COL12A1: variants seen among roughly 807,000 people sequenced by gnomAD.
COL12A1 encodes collagen type XII alpha 1 chain, also known as collagen alpha-1(XII) chain.
Under a neutral mutation model 349.7 loss-of-function variants are expected in COL12A1, and 114 were observed. The observed-to-expected ratio is 0.33, with a 90% CI of 0.28 to 0.38. COL12A1 has a LOEUF of 0.38. Ranked by LOEUF, COL12A1 falls within the 10% of genes least tolerant of loss-of-function variation. The probability of loss-of-function intolerance (pLI) is 1.00; values close to 1 mark genes in which losing one functional copy is unlikely to be tolerated. For synonymous variants in COL12A1, 1,369 were observed against 1,329.0 expected, an observed-to-expected ratio of 1.03 and a Z score of -0.66; for missense variants, 3,284 against 3,756.9, an observed-to-expected ratio of 0.87 and a Z score of 3.29.
chr6:75,184,180 T>C (rs760927446), intron 8 of COL12A1, 36 bp from the exon 9 acceptor site: 2 of 1,594,760 alleles, frequency 1.3e-6, no homozygotes, highest in African/African-American at 1.3e-5. Context: ...TTAATAACAG[T>C]GAGATGTAAC....
At position 75,191,779 on chromosome 6, in the gene COL12A1, A is replaced by T; in HGVS notation, c.335-19T>A. On this transcript the variant is annotated intron_variant, in intron 4 of 65. Transcript: ENST00000322507. ...GTTTGAACTAAGTTAAAACTTTATT[A>T]TTACAAAAGGAAATGAACCCAAGCA... 6.5e-7 allele frequency: 1 copy of T among 1,545,680 alleles called. No individual in the cohort carries two copies. Among genetic ancestry groups the T allele is most frequent in the Non-Finnish European group, 8.8e-7 (1 of 1,141,760 alleles).
chr6:75,150,461 A>T (rs1767424418), intron 21 of COL12A1, among the ~76,000 whole-genome samples: 1 of 152,164 alleles, frequency 6.6e-6, no homozygotes. Context: ...TCACTGGTAA[A>T]AAGAGGTTAT....
At chr6:75,192,001 G>A (rs1318826269) in intron 4 of COL12A1, among the ~76,000 whole-genome samples, 3 of 151,760 alleles carry the variant, frequency 2.0e-5, no homozygotes, top group Non-Finnish European at 2.9e-5. Context: ...ATTTTTAATG[G>A]TCTTCATTCA....
chr6:75,148,243 T>C (rs1462136909), intron 22 of COL12A1, 115 bp downstream of exon 22: 6 of 1,032,688 alleles, frequency 5.8e-6, no homozygotes, highest in South Asian at 1.9e-5. Context: ...TCTTGACTCA[T>C]TTCTGGCCCC....
chr6:75,108,979 A>G (rs1329195161), intron 52 of COL12A1, 39 bp downstream of exon 52: 4 of 1,580,660 alleles, frequency 2.5e-6, no homozygotes, highest in Non-Finnish European at 3.4e-6. Context: ...TTTCAATCTT[A>G]ACACAAGGTA....
At chr6:75,093,125 T>C (rs1767853061) in intron 60 of COL12A1, among the ~76,000 whole-genome samples, 1 of 152,202 alleles carries the variant, frequency 6.6e-6, no homozygotes, top group Non-Finnish European at 1.5e-5. Flanking sequence ...AACCCCTTAC[T>C]CTGTTTCTTC....
chr6:75,121,388 T>C lies in COL12A1; in HGVS notation c.7000A>G (p.Ile2334Val). 1 of 1,612,270 alleles carries C rather than the reference T, an allele frequency of 6.2e-7. No individual in the cohort carries two copies. Among genetic ancestry groups the C allele is most frequent in the Non-Finnish European group, 8.5e-7 (1 of 1,178,752 alleles). Reference protein sequence around the residue: ...IVFLTDASWSIGDDNFNKVVK... With the variant: ...IVFLTDASWSVGDDNFNKVVK... ...ACTTTGTTAAAATTATCGTCCCCAA[T>C]GCTCCAGGAGGCATCAGTCAAGAAC... Residue 2334 changes from isoleucine (I) to valine (V), a missense_variant, in exon 44 of 66, where the codon ATT (isoleucine) becomes GTT (valine). Physicochemically the swap from Ile to Val is conservative, Grantham distance 29. Around this residue, in one of 2 missense-constraint regions of COL12A1, gnomAD observed 683 missense variants for 932.1 expected, o/e 0.73. Coordinates refer to ENST00000322507, the MANE Select transcript of COL12A1 (RefSeq NM_004370.6).
In COL12A1 at chr6:75,183,927, G is replaced by A. The variant is rs374962362; in HGVS notation, c.1215C>T (p.Ser405=). The A allele has an allele frequency of 1.1e-4, 174 of 1,614,130 alleles. No individual in the cohort carries two copies. In the African/African-American group the frequency reaches 1.5e-3, roughly 13 times the overall value. ...SADTEYQISV[S]AMKGMTSSEP... ...CACTGGATGTCATTCCCTTCATGGC[G>A]GAAACACTGATCTGGTATTCTGTGT... Residue 405 remains serine, a synonymous_variant, in exon 9 of 66, where the codon TCC becomes TCT. Transcript: ENST00000322507.
intron 65 of COL12A1, 95 bp from the exon 66 acceptor site, chr6:75,086,652 A>G (rs920497286): frequency 1.1e-5 from 2 of 181,822 alleles, no homozygotes; most frequent in East Asian, 1.6e-4. Flanking sequence ...GTTAAAGTAT[A>G]TATATATATA....
intron 31 of COL12A1, 37 bp from the exon 32 acceptor site, chr6:75,134,892 C>T (rs970999910): frequency 5.7e-6 from 9 of 1,586,364 alleles, no homozygotes; most frequent in Non-Finnish European, 7.7e-6. Flanking sequence ...GTCAGCCTTG[C>T]TCTCTCCATC....
chr6:75,127,154 A>G (rs1202272547), intron 38 of COL12A1, among the ~76,000 whole-genome samples: 2 of 152,182 alleles, frequency 1.3e-5, no homozygotes, highest in African/African-American at 4.8e-5. Context: ...TCTAGTTAAA[A>G]AAAATCCACT....
intron 6 of COL12A1, 43 bp from the exon 7 acceptor site, chr6:75,189,424 AT>A: frequency 6.3e-7 from 1 of 1,589,366 alleles, no homozygotes; most frequent in Non-Finnish European, 8.5e-7. Flanking sequence ...GTACTACACA[AT>A]TTTTCCAAAG....
intron 52 of COL12A1, among the ~76,000 whole-genome samples, chr6:75,106,959 T>C (rs1270814501): frequency 7.3e-6 from 1 of 136,452 alleles, no homozygotes; most frequent in Non-Finnish European, 1.5e-5. Flanking sequence ...AGGAGTACAG[T>C]GGTGGGATCT....
chr6:75,094,384 C>G (rs908728234), intron 60 of COL12A1, among the ~76,000 whole-genome samples: 3 of 152,088 alleles, frequency 2.0e-5, no homozygotes, highest in Non-Finnish European at 2.9e-5. Context: ...TAAATAAATT[C>G]ACACTTCATA....
chr6:75,152,717 C>T (rs1767555634), intron 17 of COL12A1, among the ~76,000 whole-genome samples: 1 of 152,088 alleles, frequency 6.6e-6, no homozygotes, highest in Admixed American at 6.6e-5. Context: ...GCCAATCTTT[C>T]CTTTATCTTT....
rs1219266101 is a variant in COL12A1, at chr6:75,191,744, C to T, written c.351G>A (p.Ser117=). ...IGQLTIQTGS[S]TKPVEKKPGK... is the part of the protein sequence containing the mutation. Reference sequence around the variant, plus strand: ...CAGGTTTCTTCTCCACTGGCTTTGTCGAACTACCTGTTTGAACTAAGTTAA... The same window carrying T: ...CAGGTTTCTTCTCCACTGGCTTTGTTGAACTACCTGTTTGAACTAAGTTAA... The change falls in exon 5 of 66, where the codon TCG becomes TCA. Residue 117 remains serine, a synonymous_variant. Transcript: ENST00000322507. 2.5e-6 allele frequency: 4 copies of T among 1,593,450 alleles called. No homozygotes were observed. The highest frequency in any genetic ancestry group is 2.3e-5 in the East Asian group (1 of 43,392).
chr6:75,202,612 G>A, intron 2 of COL12A1, 108 bp downstream of exon 2: 3 of 1,103,248 alleles, frequency 2.7e-6, no homozygotes, highest in African/African-American at 1.6e-5. Context: ...ACCGGAGAAA[G>A]CACGAAGCGC....
At chr6:75,148,548 G>A in intron 21 of COL12A1, 51 bp from the exon 22 acceptor site, 1 of 1,488,784 alleles carries the variant, frequency 6.7e-7, no homozygotes, top group Non-Finnish European at 9.2e-7. Flanking sequence ...GTAGAAAGGT[G>A]ACAATATTTG....
rs1472094228 is a variant in COL12A1 at position 75,125,192 on chromosome 6, T to C, written c.6542A>G (p.Asp2181Gly). ...LHNLNPSTTYDVNVYAQYDSG... is the reference protein window; with the variant it reads ...LHNLNPSTTYGVNVYAQYDSG... Reference sequence around the variant, plus strand: ...ATCATATTGAGCATAAACATTCACATCGTAGGTGGTGCTGGGATTGAGATT... The same window carrying C: ...ATCATATTGAGCATAAACATTCACACCGTAGGTGGTGCTGGGATTGAGATT... The change falls in exon 40 of 66, where the codon GAT becomes GGT. Residue 2181 changes from aspartate (D) to glycine (G), a missense_variant. Coordinates refer to ENST00000322507, the MANE Select transcript of COL12A1 (RefSeq NM_004370.6). The C allele has an allele frequency of 6.2e-7, 1 of 1,612,454 alleles. No homozygotes were observed. Among genetic ancestry groups the C allele is most frequent in the South Asian group, 1.1e-5 (1 of 90,806 alleles).
Sources: allele counts gnomAD v4.1 joint callset (sites outside exome capture counted in the v4.1 genomes callset), GRCh38; gene constraint gnomAD v4.1.1; regional missense constraint gnomAD v4.1.1; transcripts MANE v1.5; gene names NCBI Gene and HGNC (gene_info 2026-07-23, HGNC 2026-07-21).